Variants in LMNTD1 observed in about 807,000 individuals in gnomAD.
The protein encoded by LMNTD1 is lamin tail domain-containing protein 1.
A neutral mutation model predicts 50.9 loss-of-function variants in LMNTD1; 35 were observed. That is an observed-to-expected ratio of 0.69 (90% CI 0.53 to 0.91). The LOEUF (loss-of-function observed/expected upper bound fraction) is 0.91, where lower values mean the gene tolerates loss of function less well. Ranked by LOEUF, LMNTD1 falls within the 40% of genes least tolerant of loss-of-function variation. The pLI is 0.00. For missense variants in LMNTD1, 470 were observed against 475.5 expected (o/e 0.99, Z 0.11); for synonymous variants, 153 against 161.9 (o/e 0.94, Z 0.42).
intron 1 of LMNTD1, among the ~76,000 whole-genome samples, chr12:25,647,795 G>C (rs1947105590): frequency 6.6e-6 from 1 of 152,132 alleles, no homozygotes; most frequent in South Asian, 2.1e-4. Context: ...TGGGTAATCT[G>C]TCTCTAGTTG....
At chr12:25,478,612 C>T (rs1938345777) in intron 9 of LMNTD1, among the ~76,000 whole-genome samples, 1 of 152,122 alleles carries the variant, frequency 6.6e-6, no homozygotes, top group South Asian at 2.1e-4. Flanking sequence ...TGGTGAAACT[C>T]TATCCCACTA....
chr12:25,507,513 G>A (rs1939893344), intron 8 of LMNTD1, among the ~76,000 whole-genome samples: 1 of 152,158 alleles, frequency 6.6e-6, no homozygotes, highest in Non-Finnish European at 1.5e-5. Flanking sequence ...TAACAGTCTG[G>A]ACATGTGCCA....
At chr12:25,520,141 TATACA>T in intron 6 of LMNTD1, 66 bp from the exon 7 acceptor site, 2 of 136,964 alleles carry the variant, frequency 1.5e-5, no homozygotes, top group Admixed American at 8.9e-5. Flanking sequence ...TGTTATGAGA[TATACA>T]TATATATATA....
At chr12:25,545,422 T>A (rs530095290) in intron 4 of LMNTD1, among the ~76,000 whole-genome samples, 1 of 151,798 alleles carries the variant, frequency 6.6e-6, no homozygotes, top group African/African-American at 2.4e-5. Context: ...CTCTGTGGCC[T>A]CAGGAATTGT....
intron 6 of LMNTD1, among the ~76,000 whole-genome samples, chr12:25,521,004 T>C (rs1941278642): frequency 6.6e-6 from 1 of 152,232 alleles, no homozygotes; most frequent in Non-Finnish European, 1.5e-5. Context: ...ATTTTTTAAA[T>C]GTCTTTGGAG....
At chr12:25,479,806 A>T (rs1190145767) in intron 9 of LMNTD1, among the ~76,000 whole-genome samples, 2 of 152,172 alleles carry the variant, frequency 1.3e-5, no homozygotes, top group East Asian at 3.8e-4. Context: ...AATATAATCA[A>T]CTTACCACCA....
rs535991878 is a variant in LMNTD1, at chr12:25,513,326, C to A, written c.1189+5469G>T. On this transcript the variant is annotated intron_variant, in intron 8 of 9. Coordinates refer to ENST00000458174, the MANE Select transcript of LMNTD1 (RefSeq NM_001145728.2). ...TTGGAAAGAAAGGATGTCATTTGTA[C>A]ACAATTACACAATACAGAGGGGAAA... 9.2e-5 allele frequency among the ~76,000 whole-genome samples: 14 copies of A among 152,254 alleles called. No homozygotes were observed. In the South Asian group the frequency reaches 2.9e-3, roughly 32 times the overall value.
chr12:25,565,897 A>G (rs1592030471), intron 1 of LMNTD1, among the ~76,000 whole-genome samples: 1 of 152,232 alleles, frequency 6.6e-6, no homozygotes, highest in East Asian at 1.9e-4. Flanking sequence ...TTTTCTCTTC[A>G]GCACTTTAAA....
intron 9 of LMNTD1, among the ~76,000 whole-genome samples, chr12:25,487,984 G>C (rs969586824): frequency 6.7e-6 from 1 of 148,824 alleles, no homozygotes; most frequent in South Asian, 2.2e-4. Flanking sequence ...GGCTTGTGGG[G>C]TTTCTGCCGA....
chr12:25,577,966 A>T (rs528742087), intron 1 of LMNTD1, among the ~76,000 whole-genome samples: 2 of 152,238 alleles, frequency 1.3e-5, no homozygotes, highest in South Asian at 2.1e-4. Context: ...ATCCCACTGG[A>T]CTGAATCCTC....
At position 25,549,544 on chromosome 12, in the gene LMNTD1, C is replaced by T. The variant is rs146650787; in HGVS notation, c.92G>A (p.Arg31Lys). 17,248 of 1,556,656 alleles carry T rather than the reference C, an allele frequency of 0.011. 117 individuals carry two copies. The highest frequency in any genetic ancestry group is 0.013 in the Non-Finnish European group (15,088 of 1,137,894). ...AGAATATACTCCAAGTTTGTCTTCT[C>T]TTCTGTGTACAAAAAATATAATATA... Reference protein sequence around the residue: ...QEDKNEKQKQREDKLGVYSLV... With the variant: ...QEDKNEKQKQKEDKLGVYSLV... The change falls in exon 3 of 10, where the codon AGA becomes AAA. Residue 31 changes from arginine (R) to lysine (K), a missense_variant and splice_region_variant. By Grantham distance (26) the Arg-to-Lys change is conservative. Coordinates refer to ENST00000458174, the MANE Select transcript of LMNTD1 (RefSeq NM_001145728.2).
chr12:25,625,563 C>A lies in LMNTD1; in HGVS notation c.58+22931G>T, dbSNP rs1049783478. On this transcript the variant is annotated intron_variant, in intron 1 of 7. Coordinates refer to the LMNTD1 transcript ENST00000445693. ...CTGCTGTCTCTGGGGGGTTCTAGAA[C>A]CTTCCATGCCTTCTCCAATTGAGCC... 5.3e-5 allele frequency among the ~76,000 whole-genome samples: 8 copies of A among 152,270 alleles called. No homozygotes were observed. In the South Asian group the frequency reaches 1.7e-3, roughly 32 times the overall value.
At chr12:25,502,735 A>G (rs1939459395) in intron 9 of LMNTD1, among the ~76,000 whole-genome samples, 1 of 152,204 alleles carries the variant, frequency 6.6e-6, no homozygotes, top group Non-Finnish European at 1.5e-5. Flanking sequence ...CAGTTCAAGG[A>G]TATGATGCTA....
chr12:25,613,018 C>T (rs75283672), intron 1 of LMNTD1, among the ~76,000 whole-genome samples: 3,475 of 152,118 alleles, frequency 0.023, 107 homozygotes, highest in African/African-American at 0.072. Flanking sequence ...ATGTCATGAG[C>T]CATGGAACGA....
chr12:25,558,933 T>C (rs536157395), intron 1 of LMNTD1, among the ~76,000 whole-genome samples: 58 of 151,924 alleles, frequency 3.8e-4, no homozygotes, highest in Non-Finnish European at 6.6e-4. Flanking sequence ...TGTATTTGTA[T>C]AATTTCCAAA....
Position 25,624,688 on chromosome 12 carries a change from T to A in LMNTD1, c.58+23806A>T, listed in dbSNP as rs77851025. ...TCATAAGTTTTATAAGTTTCTGAAG[T>A]TACTATAGTTGTTGTTCAAGGTAAG... On this transcript the variant is annotated intron_variant, in intron 1 of 7. Transcript: ENST00000445693. Among the ~76,000 whole-genome samples the A allele has an allele frequency of 2.6e-5, 4 of 152,342 alleles. No individual in the cohort carries two copies. In the East Asian group the frequency reaches 7.7e-4, roughly 29 times the overall value.
In LMNTD1 at chr12:25,549,410, T is replaced by C. The variant is rs755401608; in HGVS notation, c.226A>G (p.Ile76Val). ...PLGYYLSSPQ[I>V]SRVTISTTGQ... ...GTTGTTGATATAGTTACTCTACTAA[T>C]CTGAGGACTAGACAGATAGTAACCA... The change falls in exon 3 of 10, where the codon ATT (isoleucine) becomes GTT (valine). Residue 76 changes from isoleucine (I) to valine (V), a missense_variant. Physicochemically the swap from Ile to Val is conservative, Grantham distance 29. Coordinates refer to ENST00000458174, the MANE Select transcript of LMNTD1 (RefSeq NM_001145728.2). The C allele has an allele frequency of 6.0e-5, 96 of 1,612,926 alleles. No homozygotes were observed. Among genetic ancestry groups the C allele is most frequent in the Non-Finnish European group, 8.0e-5 (94 of 1,179,182 alleles).
At chr12:25,625,561 A>G (rs1430506719) in intron 1 of LMNTD1, among the ~76,000 whole-genome samples, 1 of 152,038 alleles carries the variant, frequency 6.6e-6, no homozygotes, top group Non-Finnish European at 1.5e-5. Flanking sequence ...GGGGTTCTAG[A>G]ACCTTCCATG....
intron 4 of LMNTD1, among the ~76,000 whole-genome samples, chr12:25,529,668 T>C (rs1942086579): frequency 6.6e-6 from 1 of 152,134 alleles, no homozygotes; most frequent in Admixed American, 6.5e-5. Context: ...TGAATCAACA[T>C]CCTAACTATT....
Sources: allele counts gnomAD v4.1 joint callset (sites outside exome capture counted in the v4.1 genomes callset), GRCh38; gene constraint gnomAD v4.1.1; transcripts MANE v1.5; gene names NCBI Gene and HGNC (gene_info 2026-07-23, HGNC 2026-07-21).